XIRP2: variants seen among roughly 807,000 people sequenced by gnomAD.
XIRP2 encodes xin actin binding repeat containing 2.
A neutral mutation model predicts 277.0 loss-of-function variants in XIRP2; 236 were observed. That is an observed-to-expected ratio of 0.85 (90% CI 0.77 to 0.95). XIRP2 has a LOEUF of 0.95. XIRP2 is among the 40% of genes least tolerant of loss of function. XIRP2 has a pLI of 0.00. For missense variants in XIRP2, 4,640 were observed against 4,157.5 expected, an observed-to-expected ratio of 1.12 and a Z score of -3.19; for synonymous variants, 1,490 against 1,416.5, an observed-to-expected ratio of 1.05 and a Z score of -1.17.
At chr2:167,087,786 C>T (rs981740057) in intron 2 of XIRP2, among the ~76,000 whole-genome samples, 2 of 151,712 alleles carry the variant, frequency 1.3e-5, no homozygotes, top group African/African-American at 2.4e-5. Context: ...GGCAATGCCT[C>T]GCCCTGCTTC....
At chr2:167,040,433 G>A (rs185312345) in intron 2 of XIRP2, among the ~76,000 whole-genome samples, 287 of 152,188 alleles carry the variant, frequency 1.9e-3, no homozygotes, top group African/African-American at 6.5e-3. Context: ...TAGGCAGGAA[G>A]TGGCCCACTC....
rs112177165 is a variant in XIRP2, at chr2:167,189,385, A to G, written c.563-21350A>G. Reference sequence around the variant, plus strand: ...ATTTATAGAACAGGGCAGACACTTAATAAGTGCCCAGCAGTGTAATTCCAA... The same window carrying G: ...ATTTATAGAACAGGGCAGACACTTAGTAAGTGCCCAGCAGTGTAATTCCAA... On this transcript the variant is annotated intron_variant, in intron 3 of 10. Transcript: ENST00000409195. Among the ~76,000 whole-genome samples, 308 of 152,326 alleles carry G rather than the reference A, an allele frequency of 2.0e-3. 3 individuals carry two copies. Among genetic ancestry groups the G allele is most frequent in the African/African-American group, 7.0e-3 (289 of 41,578 alleles).
chr2:167,213,612 G>A (rs1694124309), intron 4 of XIRP2, among the ~76,000 whole-genome samples: 1 of 147,896 alleles, frequency 6.8e-6, no homozygotes, highest in Non-Finnish European at 1.5e-5. Flanking sequence ...TCAACACAAA[G>A]CAATTTCAGT....
At chr2:167,098,220 T>C (rs1002179381) in intron 2 of XIRP2, among the ~76,000 whole-genome samples, 2 of 152,212 alleles carry the variant, frequency 1.3e-5, no homozygotes, top group Admixed American at 6.5e-5. Context: ...CATATTCCCA[T>C]ATTTCTTGGA....
intron 2 of XIRP2, among the ~76,000 whole-genome samples, chr2:167,077,091 A>C (rs896971969): frequency 2.6e-5 from 4 of 152,024 alleles, no homozygotes; most frequent in African/African-American, 9.7e-5. Flanking sequence ...AGCTCAAAGC[A>C]ATCAGCCCAC....
intron 2 of XIRP2, among the ~76,000 whole-genome samples, chr2:166,908,169 A>G (rs1684582392): frequency 6.6e-6 from 1 of 152,180 alleles, no homozygotes; most frequent in Non-Finnish European, 1.5e-5. Flanking sequence ...GTCTACTTCT[A>G]GATCCTTGAG....
intron 1 of XIRP2, among the ~76,000 whole-genome samples, chr2:166,893,935 A>C (rs1461837109): frequency 6.6e-6 from 1 of 152,134 alleles, no homozygotes; most frequent in Non-Finnish European, 1.5e-5. Context: ...ATATGAGACT[A>C]TTTACAAAGC....
chr2:167,173,642 A>T (rs967317864), intron 3 of XIRP2, among the ~76,000 whole-genome samples: 1 of 152,186 alleles, frequency 6.6e-6, no homozygotes, highest in African/African-American at 2.4e-5. Context: ...TTGAGGAAAT[A>T]TACCCAGCAG....
chr2:166,976,212 T>G (rs1686714289), intron 2 of XIRP2, among the ~76,000 whole-genome samples: 1 of 152,178 alleles, frequency 6.6e-6, no homozygotes, highest in South Asian at 2.1e-4. Flanking sequence ...AATATCCTGA[T>G]GCTATCATTG....
At chr2:167,232,382 C>T (rs951934541) in intron 5 of XIRP2, among the ~76,000 whole-genome samples, 2 of 151,892 alleles carry the variant, frequency 1.3e-5, no homozygotes, top group Non-Finnish European at 2.9e-5. Flanking sequence ...ACAATACATA[C>T]AGGCTCCTTT....
chr2:167,148,393 G>C (rs1691918203), intron 3 of XIRP2, among the ~76,000 whole-genome samples: 1 of 134,872 alleles, frequency 7.4e-6, no homozygotes, highest in South Asian at 2.3e-4. Flanking sequence ...AAGAAGAAAA[G>C]AAAGAAAGAA....
At chr2:167,089,109 G>A (rs1357839011) in intron 2 of XIRP2, among the ~76,000 whole-genome samples, 1 of 152,116 alleles carries the variant, frequency 6.6e-6, no homozygotes, top group East Asian at 1.9e-4. Context: ...GTACTACTTA[G>A]GATGATGTCA....
intron 1 of XIRP2, among the ~76,000 whole-genome samples, chr2:166,901,341 A>G (rs1404246136): frequency 6.6e-6 from 1 of 152,088 alleles, no homozygotes; most frequent in Non-Finnish European, 1.5e-5. Context: ...TCTGCTTTTC[A>G]AAGTCCTCAT....
chr2:167,008,562 T>C (rs987086205), intron 2 of XIRP2, among the ~76,000 whole-genome samples: 8 of 151,656 alleles, frequency 5.3e-5, no homozygotes, highest in African/African-American at 1.9e-4. Flanking sequence ...AAGTGGAAGA[T>C]TGAAATTGGA....
At chr2:167,148,405 A>C (rs1410953068) in intron 3 of XIRP2, among the ~76,000 whole-genome samples, 1 of 142,132 alleles carries the variant, frequency 7.0e-6, no homozygotes, top group African/African-American at 2.7e-5. Context: ...AAGAAAGAAA[A>C]AGAAAGAAAG....
At chr2:166,939,441 G>T (rs565940340) in intron 2 of XIRP2, among the ~76,000 whole-genome samples, 1 of 152,104 alleles carries the variant, frequency 6.6e-6, no homozygotes, top group Non-Finnish European at 1.5e-5. Context: ...AGCACTTTGG[G>T]AGGCTGAGGC....
chr2:166,958,905 T>G (rs1354314712), intron 2 of XIRP2, among the ~76,000 whole-genome samples: 1 of 151,784 alleles, frequency 6.6e-6, no homozygotes, highest in African/African-American at 2.4e-5. Context: ...CAAAGGGGAT[T>G]TTCGAGAACG....
chr2:167,183,497 G>A (rs933320419), intron 3 of XIRP2, among the ~76,000 whole-genome samples: 4 of 152,094 alleles, frequency 2.6e-5, no homozygotes, highest in Non-Finnish European at 5.9e-5. Flanking sequence ...CAGATTAAAA[G>A]TTTTGTATTT....
rs762475106 is a variant in XIRP2 at position 167,247,829 on chromosome 2, A to G, written c.6437A>G (p.Lys2146Arg). Residue 2146 changes from lysine (K) to arginine (R), a missense_variant, in exon 9 of 11, where the codon AAG becomes AGG. Transcript: ENST00000409195. ...GGTTTTCATATAAAGAGTCCTAAAA[A>G]GACCAAAAATATTAAAATATTAACT... ...MEGFHIKSPK[K>R]TKNIKILTDT... The G allele has an allele frequency of 1.2e-6, 2 of 1,613,520 alleles. No homozygotes were observed. The highest frequency in any genetic ancestry group is 2.2e-5 in the East Asian group (1 of 44,818).
Sources: gnomAD v4.1 joint callset for allele counts (sites outside exome capture counted in the v4.1 genomes callset) on GRCh38, gnomAD v4.1.1 for gene constraint, MANE v1.5 for transcripts, NCBI Gene and HGNC (gene_info 2026-07-23, HGNC 2026-07-21) for gene names.